Variants in NAALAD2 observed in about 807,000 individuals in gnomAD.
The protein encoded by NAALAD2 is N-acetylated alpha-linked acidic dipeptidase 2.
A neutral mutation model predicts 95.6 loss-of-function variants in NAALAD2; 89 were observed. That is an observed-to-expected ratio of 0.93 (90% CI 0.78 to 1.11). The LOEUF (loss-of-function observed/expected upper bound fraction) is 1.11. NAALAD2 is among the 50% of genes least tolerant of loss of function. NAALAD2 has a pLI of 0.00. For missense variants in NAALAD2, 894 were observed against 872.4 expected (o/e 1.02, Z -0.31); for synonymous variants, 264 against 294.4 (o/e 0.90, Z 1.06).
Position 90,185,911 on chromosome 11 carries a change from G to T in NAALAD2, c.2033+2903G>T, listed in dbSNP as rs573015043. Among the ~76,000 whole-genome samples the T allele has an allele frequency of 1.7e-3, 249 of 147,076 alleles. 1 individual carries two copies. Among genetic ancestry groups the T allele is most frequent in the African/African-American group, 6.0e-3 (237 of 39,556 alleles). ...AAATTTTATTTGTTTTCACAGAAAT[G>T]AGCAACTTGTACAGCCATATTTGCC... On this transcript the variant is annotated intron_variant, in intron 18 of 18. Coordinates refer to ENST00000534061, the MANE Select transcript of NAALAD2 (RefSeq NM_005467.4).
At position 90,139,941 on chromosome 11, in the gene NAALAD2, G is replaced by A. The variant is rs891272071; in HGVS notation, c.194+4271G>A. Among the ~76,000 whole-genome samples the A allele has an allele frequency of 1.7e-3, 254 of 151,042 alleles. 1 individual carries two copies. Among genetic ancestry groups the A allele is most frequent in the African/African-American group, 5.7e-3 (233 of 41,126 alleles). On this transcript the variant is annotated intron_variant, in intron 2 of 18. Transcript: ENST00000534061. ...ATCACAGCTGCATACCTCAGTCTAC[G>A]GTATACCAAGCAATTCAACCTTTTC...
intron 2 of NAALAD2, among the ~76,000 whole-genome samples, chr11:90,137,167 A>T (rs1372722730): frequency 1.3e-5 from 2 of 148,810 alleles, no homozygotes; most frequent in Non-Finnish European, 3.0e-5. Context: ...AATTGATCTC[A>T]TGGAGACAGA....
rs1357934694 is a variant in NAALAD2 at position 90,170,137 on chromosome 11, G to T, written c.1410+1G>T. On this transcript the variant is annotated splice_donor_variant, in intron 13 of 18. Coordinates refer to ENST00000534061, the MANE Select transcript of NAALAD2 (RefSeq NM_005467.4). LOFTEE classifies it high-confidence loss of function. The stretch of plus-strand genomic sequence containing the variant: ...ATTAGTGTATAAACTGACAAAAGAG[G>T]TATATAAGGAAATGTGTCTTCATAT... The T allele has an allele frequency of 1.3e-6, 2 of 1,551,442 alleles. No individual in the cohort carries two copies. Among genetic ancestry groups the T allele is most frequent in the Non-Finnish European group, 1.8e-6 (2 of 1,123,244 alleles).
At chr11:90,147,845 C>T (rs1317879913) in intron 3 of NAALAD2, among the ~76,000 whole-genome samples, 2 of 152,076 alleles carry the variant, frequency 1.3e-5, no homozygotes, top group South Asian at 2.1e-4. Flanking sequence ...AGTCTTGACA[C>T]GTGAGTCATG....
intron 6 of NAALAD2, among the ~76,000 whole-genome samples, chr11:90,156,883 A>G (rs1952132528): frequency 6.6e-6 from 1 of 152,108 alleles, no homozygotes; most frequent in South Asian, 2.1e-4. Context: ...TTTATTTATA[A>G]ATGTGTTATT....
chr11:90,157,739 TCAG>T (rs986919159), intron 6 of NAALAD2, among the ~76,000 whole-genome samples: 1 of 151,948 alleles, frequency 6.6e-6, no homozygotes, highest in African/African-American at 2.4e-5. Context: ...TTTTTTTTTT[TCAG>T]ACAGAGTCTT....
At chr11:90,167,973 G>C (rs185477397) in intron 11 of NAALAD2, among the ~76,000 whole-genome samples, 3 of 152,286 alleles carry the variant, frequency 2.0e-5, no homozygotes, top group East Asian at 1.9e-4. Context: ...CAACCCTCTG[G>C]GGTCTCCTTC....
chr11:90,167,304 C>T (rs967020312), intron 11 of NAALAD2, among the ~76,000 whole-genome samples: 6 of 152,168 alleles, frequency 3.9e-5, no homozygotes, highest in Admixed American at 6.5e-5. Flanking sequence ...CCTGCAAGCC[C>T]GGGGCAGTAA....
At chr11:90,173,025 A>G (rs1952685302) in intron 13 of NAALAD2, among the ~76,000 whole-genome samples, 1 of 152,198 alleles carries the variant, frequency 6.6e-6, no homozygotes, top group South Asian at 2.1e-4. Context: ...AACAAAATAT[A>G]GTCAATATGT....
intron 2 of NAALAD2, among the ~76,000 whole-genome samples, chr11:90,138,773 T>TC (rs1471747081): frequency 7.4e-6 from 1 of 135,870 alleles, no homozygotes; most frequent in Non-Finnish European, 1.6e-5. Flanking sequence ...ATATTCACAA[T>TC]CTCTTTCATG....
In NAALAD2 at chr11:90,154,784, C is replaced by A. The variant is rs1951986228; in HGVS notation, c.796+2300C>A. ...TTTTATGTAGAACTGTTTTTCACTA[C>A]AAATTGAATTTCATATATATATATG... On this transcript the variant is annotated intron_variant, in intron 6 of 18. Coordinates refer to ENST00000534061, the MANE Select transcript of NAALAD2 (RefSeq NM_005467.4). Among the ~76,000 whole-genome samples the A allele has an allele frequency of 2.0e-5, 3 of 147,876 alleles. No homozygotes were observed. The Admixed American group carries it at 2.1e-4, about 10-fold the overall frequency.
intron 4 of NAALAD2, 43 bp from the exon 5 acceptor site, chr11:90,150,439 C>A (rs751491273): frequency 4.5e-5 from 49 of 1,089,298 alleles, no homozygotes; most frequent in Non-Finnish European, 5.6e-5. Context: ...TTTTTTTTTT[C>A]TTTAATTTTA....
At position 90,134,752 on chromosome 11, in the gene NAALAD2, A is replaced by C. The variant is rs1302702332; in HGVS notation, c.-7A>C. The C allele has an allele frequency of 6.2e-7, 1 of 1,613,738 alleles. No homozygotes were observed. Among genetic ancestry groups the C allele is most frequent in the Non-Finnish European group, 8.5e-7 (1 of 1,180,004 alleles). ...GCAGGCGCCCCAAGCTCGGTCCTCAAGAAGCCATGGCGGAATCCAGGGGCC... is the reference window on the plus strand; with the variant it reads ...GCAGGCGCCCCAAGCTCGGTCCTCACGAAGCCATGGCGGAATCCAGGGGCC... On this transcript the variant is annotated 5_prime_UTR_variant, in exon 1 of 19. Coordinates refer to ENST00000534061, the MANE Select transcript of NAALAD2 (RefSeq NM_005467.4).
At chr11:90,164,363 A>AT (rs1353549811) in intron 11 of NAALAD2, 5 of 152,150 alleles carry the variant, frequency 3.3e-5, no homozygotes, top group Non-Finnish European at 7.3e-5. Context: ...AAGCACATTC[A>AT]TTTTTTTAAC....
At chr11:90,163,228 G>A (rs1952344833) in intron 9 of NAALAD2, 82 bp from the exon 10 acceptor site, 2 of 1,430,548 alleles carry the variant, frequency 1.4e-6, no homozygotes, top group Non-Finnish European at 1.9e-6. Context: ...TCAAGCAAGA[G>A]GATGTTTATT....
upstream of NAALAD2, among the ~76,000 whole-genome samples, chr11:90,133,801 C>T (rs945473527): frequency 2.6e-5 from 4 of 151,318 alleles, no homozygotes; most frequent in Admixed American, 6.6e-5. Context: ...GATATTAGTT[C>T]GGTTAATGAA....
chr11:90,176,831 GAACA>G (rs553313764), intron 15 of NAALAD2, among the ~76,000 whole-genome samples: 1 of 150,538 alleles, frequency 6.6e-6, no homozygotes, highest in Non-Finnish European at 1.5e-5. Flanking sequence ...ATACAACAAA[GAACA>G]AAGAAATAAA....
chr11:90,182,315 C>A (rs1157522838), intron 17 of NAALAD2, among the ~76,000 whole-genome samples: 2 of 152,018 alleles, frequency 1.3e-5, no homozygotes, highest in African/African-American at 4.8e-5. Flanking sequence ...CAGATGTAAT[C>A]AGAATAAACT....
intron 18 of NAALAD2, among the ~76,000 whole-genome samples, chr11:90,190,053 C>T (rs989378922): frequency 6.6e-5 from 10 of 152,164 alleles, no homozygotes; most frequent in African/African-American, 2.4e-4. Flanking sequence ...GTTGCTTAAG[C>T]ATTACCAATT....
Sources: gnomAD v4.1 joint callset for allele counts (sites outside exome capture counted in the v4.1 genomes callset) on GRCh38, gnomAD v4.1.1 for gene constraint, MANE v1.5 for transcripts, NCBI Gene and HGNC (gene_info 2026-07-23, HGNC 2026-07-21) for gene names.